The following BMPR1B variants were observed in gnomAD, a reference collection of about 807,000 sequenced individuals.
BMPR1B encodes the protein bone morphogenetic protein receptor type-1B.
In BMPR1B, 12 loss-of-function variants were observed where a neutral mutation model predicts 59.1. That is an observed-to-expected ratio of 0.20 (90% CI 0.13 to 0.33). BMPR1B has a LOEUF of 0.33. Ranked by LOEUF, BMPR1B falls within the 10% of genes least tolerant of loss-of-function variation. BMPR1B has a pLI of 1.00. For missense variants in BMPR1B, 550 were observed against 610.9 expected (o/e 0.90, Z 1.05); for synonymous variants, 237 against 207.3 (o/e 1.14, Z -1.23).
At chr4:95,123,952 T>A in intron 7 of BMPR1B, 46 bp downstream of exon 7, 2 of 1,307,504 alleles carry the variant, frequency 1.5e-6, no homozygotes, top group Non-Finnish European at 2.2e-6. Flanking sequence ...TTATAGTGTC[T>A]TCTTTTTACT....
intron 3 of BMPR1B, chr4:95,103,415 G>A: frequency 1.0e-6 from 1 of 980,182 alleles, no homozygotes; most frequent in Non-Finnish European, 1.2e-6. Context: ...TAAGCTAAAT[G>A]TGTTATGAGA....
Position 94,768,500 on chromosome 4 carries a change from T to C in BMPR1B, c.-183+10432T>C, listed in dbSNP as rs567665607. Among the ~76,000 whole-genome samples, 15 of 152,236 alleles carry C rather than the reference T, an allele frequency of 9.9e-5. No individual in the cohort carries two copies. The South Asian group carries it at 1.9e-3, about 19-fold the overall frequency. On this transcript the variant is annotated intron_variant, in intron 1 of 12. Transcript: ENST00000515059. ...CTTTTACTCTTCACCTTCTCATTTT[T>C]CCCTCCCCTTTCATTTTTATCTTCC...
At chr4:94,969,765 G>A (rs1730701716) in intron 2 of BMPR1B, among the ~76,000 whole-genome samples, 1 of 152,244 alleles carries the variant, frequency 6.6e-6, no homozygotes, top group African/African-American at 2.4e-5. Flanking sequence ...AGGGGATTTT[G>A]TCTACTTTGT....
At chr4:95,129,537 A>G (rs946766422) in intron 8 of BMPR1B, among the ~76,000 whole-genome samples, 1 of 152,192 alleles carries the variant, frequency 6.6e-6, no homozygotes, top group Admixed American at 6.5e-5. Context: ...GTAGTCCATT[A>G]TAACGGGGAA....
intron 1 of BMPR1B, among the ~76,000 whole-genome samples, chr4:94,873,028 G>A (rs1247041154): frequency 6.6e-6 from 1 of 152,142 alleles, no homozygotes; most frequent in East Asian, 1.9e-4. Context: ...ACATTTACCT[G>A]ATGTGCTGTA....
At chr4:94,957,758 A>G (rs1730209451) in intron 2 of BMPR1B, among the ~76,000 whole-genome samples, 1 of 152,182 alleles carries the variant, frequency 6.6e-6, no homozygotes, top group African/African-American at 2.4e-5. Context: ...GAGATCTAAG[A>G]TGATAAATGT....
At chr4:94,994,472 C>A (rs1400269762) in intron 2 of BMPR1B, among the ~76,000 whole-genome samples, 1 of 152,196 alleles carries the variant, frequency 6.6e-6, no homozygotes, top group Admixed American at 6.5e-5. Context: ...TGGTTTCCTC[C>A]TCTAGTCTTC....
At chr4:94,923,874 G>A (rs1236570626) in intron 2 of BMPR1B, among the ~76,000 whole-genome samples, 2 of 152,080 alleles carry the variant, frequency 1.3e-5, no homozygotes, top group Admixed American at 6.6e-5. Flanking sequence ...TTCCGGAAAG[G>A]TCCTGCTCAC....
rs1212048209 is a variant in BMPR1B, at chr4:95,156,176, G to A, written c.*1503G>A. The A allele has an allele frequency of 1.3e-5, 2 of 152,092 alleles. No homozygotes were observed. Among genetic ancestry groups the A allele is most frequent in the African/African-American group, 2.4e-5 (1 of 41,436 alleles). 9.4% of individuals were successfully genotyped at this position (152,092 alleles called of 1,614,324 possible). A position where few individuals can be genotyped will look rare whatever the true frequency, so the allele number is the denominator to read the frequency against. ...TCATCGAGAAGGCCAATATTGTTTA[G>A]CAACATGAATACAATACAGTTTAAA... On this transcript the variant is annotated 3_prime_UTR_variant, in exon 13 of 13. Transcript: ENST00000515059.
At chr4:95,010,918 C>A (rs1181458477) in intron 3 of BMPR1B, among the ~76,000 whole-genome samples, 2 of 151,862 alleles carry the variant, frequency 1.3e-5, no homozygotes, top group African/African-American at 4.8e-5. Flanking sequence ...TGGATATGTG[C>A]CTTATATTAT....
intron 1 of BMPR1B, among the ~76,000 whole-genome samples, chr4:94,769,951 A>G (rs1157135736): frequency 6.6e-6 from 1 of 152,140 alleles, no homozygotes; most frequent in African/African-American, 2.4e-5. Flanking sequence ...TTTCTCCTCA[A>G]CCAAAGTGGG....
At chr4:94,987,845 A>G (rs1721511207) in intron 2 of BMPR1B, among the ~76,000 whole-genome samples, 1 of 152,116 alleles carries the variant, frequency 6.6e-6, no homozygotes, top group Admixed American at 6.6e-5. Flanking sequence ...TCCTTTAATG[A>G]GTCATTTCTA....
At chr4:95,096,793 CTATA>C (rs1248150836) in intron 3 of BMPR1B, among the ~76,000 whole-genome samples, 3 of 129,926 alleles carry the variant, frequency 2.3e-5, no homozygotes, top group Admixed American at 8.2e-5. Flanking sequence ...AACTATATAT[CTATA>C]TATAGAATAT....
At chr4:95,118,181 CA>C (rs1732209525) in intron 6 of BMPR1B, among the ~76,000 whole-genome samples, 1 of 152,184 alleles carries the variant, frequency 6.6e-6, no homozygotes, top group African/African-American at 2.4e-5. Context: ...AGAGTCTACT[CA>C]GGTAGTGTCT....
In BMPR1B at chr4:94,975,515, A is replaced by G. The variant is rs1249869941; in HGVS notation, c.-112-20525A>G. ...ATAGCTGGGACTACAGGCATGCGCC[A>G]CCATGCCTGGCTAAATTTTTTTTTT... On this transcript the variant is annotated intron_variant, in intron 2 of 12. Transcript: ENST00000515059. 2.7e-5 allele frequency among the ~76,000 whole-genome samples: 4 copies of G among 150,814 alleles called. No individual in the cohort carries two copies. The South Asian group carries it at 8.4e-4, about 32-fold the overall frequency.
At chr4:95,029,948 C>T (rs1430253425) in intron 3 of BMPR1B, among the ~76,000 whole-genome samples, 4 of 151,982 alleles carry the variant, frequency 2.6e-5, no homozygotes, top group African/African-American at 9.7e-5. Flanking sequence ...CCTTTGCCCA[C>T]TTTTTGATGG....
intron 2 of BMPR1B, among the ~76,000 whole-genome samples, chr4:94,934,923 T>A (rs573154106): frequency 1.1e-4 from 16 of 152,210 alleles, no homozygotes; most frequent in African/African-American, 3.6e-4. Flanking sequence ...CTCCAGAGGA[T>A]CCCAATTATT....
rs187202685 is a variant in BMPR1B at position 94,894,039 on chromosome 4, C to T, written c.-113+18139C>T. On this transcript the variant is annotated intron_variant, in intron 2 of 12. Coordinates refer to ENST00000515059, the MANE Select transcript of BMPR1B (RefSeq NM_001203.3). ...TTTCACTTAAAAACACTGCTGCTAA[C>T]GCCCACCTTGAAAGGGATCACATAT... 9.1e-4 allele frequency among the ~76,000 whole-genome samples: 139 copies of T among 152,134 alleles called. 1 individual carries two copies. The highest frequency in any genetic ancestry group is 3.4e-3 in the Middle Eastern group (1 of 294).
At position 94,975,357 on chromosome 4, in the gene BMPR1B, G is replaced by GTTTTT. The variant is rs1177887549; in HGVS notation, c.-112-20682_-112-20678dup. On this transcript the variant is annotated intron_variant, in intron 2 of 12. Transcript: ENST00000515059. Reference sequence around the variant, plus strand: ...ATAAATAAAATCTTAATTTCCTTTTGTTTTTGTTTTTTTTTTTTTTTTTTG... The same window carrying GTTTTT: ...ATAAATAAAATCTTAATTTCCTTTTGTTTTTTTTTTGTTTTTTTTTTTTTTTTTTG... Among the ~76,000 whole-genome samples the GTTTTT allele has an allele frequency of 4.1e-4, 39 of 94,206 alleles. 1 individual carries two copies. The highest frequency in any genetic ancestry group is 6.0e-4 in the Admixed American group (5 of 8,302). The allele number at this position is 94,206 out of a possible 152,430, so 61.8% of individuals were successfully genotyped here.
Sources: gnomAD v4.1 joint callset for allele counts (sites outside exome capture counted in the v4.1 genomes callset) on GRCh38, gnomAD v4.1.1 for gene constraint, MANE v1.5 for transcripts, NCBI Gene and HGNC (gene_info 2026-07-23, HGNC 2026-07-21) for gene names.